C4orf50: variants seen among roughly 807,000 people sequenced by gnomAD.
C4orf50 encodes chromosome 4 open reading frame 50, also known as uncharacterized protein C4orf50.
Under a neutral mutation model 77.2 loss-of-function variants are expected in C4orf50, and 80 were observed. That is an observed-to-expected ratio of 1.04 (90% confidence interval 0.87 to 1.25). The LOEUF (loss-of-function observed/expected upper bound fraction) is 1.25, where lower values mean the gene tolerates loss of function less well. Among genes scored for constraint, C4orf50 ranks in the 50% most tolerant of loss-of-function variants. The pLI is 0.00. For synonymous variants in C4orf50, 532 were observed against 465.3 expected (o/e 1.14, Z -1.84); for missense variants, 1,257 against 1,152.9 (o/e 1.09, Z -1.31).
chr4:5,917,040 T>G (rs1263127064), intron 7 of C4orf50, among the ~76,000 whole-genome samples: 1 of 152,204 alleles, frequency 6.6e-6, no homozygotes, highest in African/African-American at 2.4e-5. Flanking sequence ...CACAGGAAAG[T>G]GGATCCAAGA....
At chr4:5,994,238 G>A in intron 26 of C4orf50, 109 bp downstream of exon 4, 1 of 397,070 alleles carries the variant, frequency 2.5e-6, no homozygotes, top group East Asian at 3.6e-5. Context: ...AGGGAGGGGG[G>A]ACCACCCCCT....
intron 7 of C4orf50, among the ~76,000 whole-genome samples, chr4:5,911,844 G>C (rs540240662): frequency 4.4e-4 from 67 of 152,286 alleles, no homozygotes; most frequent in African/African-American, 1.5e-3. Context: ...TCAAGAGATC[G>C]AGACCATCCT....
intron 25 of C4orf50, among the ~76,000 whole-genome samples, chr4:6,001,294 C>T (rs868006934): frequency 1.6e-4 from 25 of 152,278 alleles, no homozygotes; most frequent in African/African-American, 4.1e-4. Context: ...GGATTACAGG[C>T]GCATGCCACC....
At chr4:6,002,716 T>C (rs1246097445) in intron 25 of C4orf50, among the ~76,000 whole-genome samples, 1 of 152,162 alleles carries the variant, frequency 6.6e-6, no homozygotes, top group Non-Finnish European at 1.5e-5. Flanking sequence ...GCCATCCTCA[T>C]GTCCTTGGAG....
intron 25 of C4orf50, among the ~76,000 whole-genome samples, chr4:6,001,164 A>AT (rs1305666725): frequency 3.3e-5 from 5 of 151,944 alleles, no homozygotes; most frequent in African/African-American, 1.2e-4. Flanking sequence ...TTTTTCTTTT[A>AT]TTTTTTGAGA....
exon 32 of C4orf50, chr4:5,967,459 T>C (rs1359746069): frequency 6.2e-6 from 10 of 1,613,844 alleles, no homozygotes; most frequent in South Asian, 1.1e-5. Flanking sequence ...AGGTGGTGGC[T>C]TGTCTGCAAG....
Position 6,004,304 on chromosome 4 carries a change from G to GTGATGA in C4orf50, c.963+3691_963+3692insTCATCA, listed in dbSNP as rs1560599002. Among the ~76,000 whole-genome samples, 2 of 28,316 alleles carry GTGATGA rather than the reference G, an allele frequency of 7.1e-5. 1 individual carries two copies. Among genetic ancestry groups the GTGATGA allele is most frequent in the Non-Finnish European group, 1.5e-4 (2 of 12,956 alleles). The allele number at this position is 28,316 out of a possible 152,430, so 18.6% of individuals were successfully genotyped here. On this transcript the variant is annotated intron_variant, in intron 25 of 33. Coordinates refer to ENST00000531445, the Ensembl canonical transcript of C4orf50. ...GGTGATGTTGGTGATGATGGTGATG[G>GTGATGA]TGGTGATGATGTGATCGTAATGGTG...
intron 7 of C4orf50, among the ~76,000 whole-genome samples, chr4:5,913,035 G>A (rs1001136099): frequency 8.5e-5 from 13 of 152,192 alleles, no homozygotes; most frequent in Admixed American, 2.6e-4. Context: ...GGCAGGGGCC[G>A]TATCTCTCTG....
chr4:5,973,528 G>C, intron 31 of C4orf50, 131 bp downstream of exon 9: 4 of 771,852 alleles, frequency 5.2e-6, no homozygotes, highest in Non-Finnish European at 8.6e-6. Flanking sequence ...GCCAGGGGGT[G>C]TCTTCTTGGG....
At chr4:5,903,670 A>C (rs1180382944) in intron 7 of C4orf50, 3 of 152,112 alleles carry the variant, frequency 2.0e-5, no homozygotes, top group Non-Finnish European at 4.4e-5. Context: ...TCTTTCATGA[A>C]TATGGTGTTT....
chr4:5,912,586 G>A (rs1270741433), intron 7 of C4orf50, among the ~76,000 whole-genome samples: 1 of 152,044 alleles, frequency 6.6e-6, no homozygotes, highest in East Asian at 1.9e-4. Flanking sequence ...GTTTTAATAG[G>A]GTATGGTAAT....
At chr4:5,991,860 C>G (rs1051283193) in intron 27 of C4orf50, among the ~76,000 whole-genome samples, 19 of 152,230 alleles carry the variant, frequency 1.2e-4, no homozygotes, top group African/African-American at 4.3e-4. Flanking sequence ...GGGGCCACCG[C>G]ATCCCTGCTC....
chr4:5,931,834 G>T (rs1167485631), intron 7 of C4orf50, among the ~76,000 whole-genome samples: 4 of 152,106 alleles, frequency 2.6e-5, no homozygotes, highest in Admixed American at 6.5e-5. Flanking sequence ...CCACCCCGGG[G>T]TGTCACTGTC....
intron 7 of C4orf50, chr4:5,902,673 C>T (rs1051523438): frequency 6.6e-6 from 1 of 152,104 alleles, no homozygotes; most frequent in Non-Finnish European, 1.5e-5. Context: ...GAAAACAGAT[C>T]CCCAGACGCT....
rs902149782 is a variant in C4orf50 at position 6,018,331 on chromosome 4, A to G, written c.101T>C (p.Ile34Thr). 1.8e-5 allele frequency: 7 copies of G among 398,780 alleles called. No individual in the cohort carries two copies. The highest frequency in any genetic ancestry group is 1.3e-4 in the South Asian group (1 of 7,838). The allele number at this position is 398,780 out of a possible 1,614,324, so 24.7% of individuals were successfully genotyped here. Reference sequence around the variant, plus strand: ...GTCCTGGAATATCCAGGATGTGTCAATCTTCACATCAACGTTCATTATGTC... The same window carrying G: ...GTCCTGGAATATCCAGGATGTGTCAGTCTTCACATCAACGTTCATTATGTC... The change falls in exon 23 of 34, where the codon ATT (isoleucine) becomes ACT (threonine). Residue 34 changes from isoleucine (I) to threonine (T), a missense_variant. Ile to Thr is a moderately conservative substitution (Grantham distance 89). Transcript: ENST00000531445. This position sits in a 1 kb window ranked among gnomAD's most constrained non-coding sequence, Gnocchi z 5.1.
intron 7 of C4orf50, among the ~76,000 whole-genome samples, chr4:5,911,760 AC>A: frequency 6.6e-6 from 1 of 152,240 alleles, no homozygotes; most frequent in Admixed American, 6.5e-5. Context: ...AACAAAACAA[AC>A]AAAACACTAG....
intron 29 of C4orf50, among the ~76,000 whole-genome samples, chr4:5,979,667 G>A (rs377620914): frequency 6.6e-6 from 1 of 152,226 alleles, no homozygotes; most frequent in African/African-American, 2.4e-5. Flanking sequence ...CTGGGCTGGA[G>A]TGTACCTTGA....
At chr4:5,988,676 T>G in exon 28 of C4orf50, 1 of 1,536,082 alleles carries the variant, frequency 6.5e-7, no homozygotes, top group Non-Finnish European at 8.7e-7. Context: ...ATCTTGGCTT[T>G]TCCCTGGAGG....
chr4:5,924,284 C>T (rs192999321), intron 7 of C4orf50, among the ~76,000 whole-genome samples: 2 of 152,192 alleles, frequency 1.3e-5, no homozygotes, highest in African/African-American at 4.8e-5. Flanking sequence ...CTGACTAATA[C>T]AAGAGCCAAG....
Sources: gnomAD v4.1 joint callset for allele counts (sites outside exome capture counted in the v4.1 genomes callset) on GRCh38, gnomAD v4.1.1 for gene constraint, Gnocchi (gnomAD v3.1) non-coding constraint, MANE v1.5 for transcripts, NCBI Gene and HGNC (gene_info 2026-07-23, HGNC 2026-07-21) for gene names.